FBLN7: variants seen among roughly 807,000 people sequenced by gnomAD.
FBLN7 encodes the protein fibulin 7, also known as fibulin-7.
Under a neutral mutation model 44.0 loss-of-function variants are expected in FBLN7, and 31 were observed. The observed-to-expected ratio is 0.70, with a 90% CI of 0.53 to 0.95. The LOEUF (loss-of-function observed/expected upper bound fraction) is 0.95, where lower values mean the gene tolerates loss of function less well. FBLN7 is among the 40% of genes least tolerant of loss of function. The pLI, the probability that FBLN7 is intolerant of heterozygous loss-of-function variation, is 0.00. For synonymous variants in FBLN7, 262 were observed against 253.4 expected (o/e 1.03, Z -0.32); for missense variants, 573 against 618.5 (o/e 0.93, Z 0.78).
At chr2:112,159,631 G>T in intron 1 of FBLN7, 45 bp from the exon 2 acceptor site, 1 of 1,462,336 alleles carries the variant, frequency 6.8e-7, no homozygotes, top group Non-Finnish European at 9.1e-7. Flanking sequence ...ATGTGGGACT[G>T]AGTCAGTCTC....
intron 2 of FBLN7, among the ~76,000 whole-genome samples, chr2:112,160,740 ACACACGCG>A (rs1558879941): frequency 4.2e-4 from 17 of 40,936 alleles, no homozygotes; most frequent in African/African-American, 2.2e-3. Context: ...ACGCACACGC[ACACACGCG>A]CACGCACACA....
chr2:112,163,035 G>A (rs534401298), intron 2 of FBLN7, among the ~76,000 whole-genome samples: 1 of 152,194 alleles, frequency 6.6e-6, no homozygotes, highest in Non-Finnish European at 1.5e-5. Context: ...TTACCACTGG[G>A]GGCCAACTTG....
intron 1 of FBLN7, among the ~76,000 whole-genome samples, chr2:112,145,335 T>C (rs1680852051): frequency 6.6e-6 from 1 of 152,186 alleles, no homozygotes; most frequent in Non-Finnish European, 1.5e-5. Flanking sequence ...GGGGTCTTTC[T>C]ATGTTGCCCA....
At chr2:112,204,228 C>A in the FBLN7 span, among the ~76,000 whole-genome samples, 2 of 149,132 alleles carry the variant, frequency 1.3e-5, no homozygotes, top group African/African-American at 2.5e-5. Flanking sequence ...AAGAAAGAAT[C>A]GGTGAATTTA....
At chr2:112,234,186 G>A in the FBLN7 span, 1 of 1,609,604 alleles carries the variant, frequency 6.2e-7, no homozygotes, top group African/African-American at 1.3e-5. Context: ...CTGTATGTTG[G>A]TTGATGAATG....
the FBLN7 span, among the ~76,000 whole-genome samples, chr2:112,226,448 G>A: frequency 6.6e-6 from 1 of 151,874 alleles, no homozygotes; most frequent in African/African-American, 2.4e-5. Context: ...AATTAGCCAG[G>A]TGAGGTGGCG....
chr2:112,200,083 A>G, the FBLN7 span, among the ~76,000 whole-genome samples: 1 of 152,214 alleles, frequency 6.6e-6, no homozygotes, highest in Non-Finnish European at 1.5e-5. Context: ...CTTTTGCTGC[A>G]GCAAATAGTA....
At chr2:112,222,435 C>A in the FBLN7 span, among the ~76,000 whole-genome samples, 1 of 151,936 alleles carries the variant, frequency 6.6e-6, no homozygotes, top group African/African-American at 2.4e-5. Flanking sequence ...GTTTCCAGGG[C>A]AAAAGGAGGC....
chr2:112,140,336 A>G (rs186221133), intron 1 of FBLN7, among the ~76,000 whole-genome samples: 7,239 of 146,456 alleles, frequency 0.049, 200 homozygotes, highest in African/African-American at 0.088. Flanking sequence ...CCAGGCCAGC[A>G]TCCCTCCTTC....
At chr2:112,173,426 T>A (rs1006094703) in intron 3 of FBLN7, among the ~76,000 whole-genome samples, 5 of 149,280 alleles carry the variant, frequency 3.3e-5, no homozygotes. Context: ...ACAGTTTAGA[T>A]AAAAATGAGA....
At chr2:112,226,274 A>C in the FBLN7 span, among the ~76,000 whole-genome samples, 2 of 151,836 alleles carry the variant, frequency 1.3e-5, no homozygotes, top group African/African-American at 4.8e-5. Flanking sequence ...ACAGAAATTG[A>C]ATCTGTTATG....
chr2:112,211,677 T>G, the FBLN7 span: 1 of 152,220 alleles, frequency 6.6e-6, no homozygotes, highest in Non-Finnish European at 1.5e-5. Flanking sequence ...AGTCTATCAA[T>G]TGTAAAATAT....
At chr2:112,148,431 A>T (rs1013465118) in intron 1 of FBLN7, among the ~76,000 whole-genome samples, 22 of 152,260 alleles carry the variant, frequency 1.4e-4, no homozygotes, top group Admixed American at 1.3e-3. Context: ...CCGCTATCTA[A>T]AATGAGGTAT....
At chr2:112,161,181 G>A (rs1006266770) in intron 2 of FBLN7, among the ~76,000 whole-genome samples, 24 of 152,120 alleles carry the variant, frequency 1.6e-4, no homozygotes, top group African/African-American at 5.3e-4. Flanking sequence ...GGGGGACAGG[G>A]GCCAGTCATC....
chr2:112,200,577 C>G, the FBLN7 span, among the ~76,000 whole-genome samples: 1 of 152,196 alleles, frequency 6.6e-6, no homozygotes, highest in Non-Finnish European at 1.5e-5. Flanking sequence ...CTCTGTCCCC[C>G]AGTCTGGAGT....
At position 112,187,659 on chromosome 2, in the gene FBLN7, T is replaced by C; in HGVS notation, c.*153T>C. ...TAGGGCAGCGTTGCACGGCGCCCCA[T>C]GGAATAGCACGGAAGAGCAGCCACA... On this transcript the variant is annotated 3_prime_UTR_variant, in exon 8 of 8. Transcript: ENST00000331203. This position sits in a 1 kb window ranked among gnomAD's most constrained non-coding sequence, Gnocchi z 5.1. 9.7e-7 allele frequency: 1 copy of C among 1,031,062 alleles called. No individual in the cohort carries two copies. The highest frequency in any genetic ancestry group is 1.4e-6 in the Non-Finnish European group (1 of 708,272). 63.9% of individuals were successfully genotyped at this position (1,031,062 alleles called of 1,614,324 possible).
intron 1 of FBLN7, among the ~76,000 whole-genome samples, chr2:112,150,036 G>A (rs3903096): frequency 0.44 from 67,279 of 151,592 alleles, 15,122 homozygotes; most frequent in Middle Eastern, 0.64. Flanking sequence ...GGGGATATTG[G>A]TGGTGACTGG....
At chr2:112,174,511 T>C (rs1682638695) in intron 3 of FBLN7, among the ~76,000 whole-genome samples, 1 of 152,216 alleles carries the variant, frequency 6.6e-6, no homozygotes, top group Non-Finnish European at 1.5e-5. Context: ...TTCTTCCTCT[T>C]GATAGACACA....
chr2:112,193,038 A>G (rs1683537604), downstream of FBLN7, among the ~76,000 whole-genome samples: 1 of 152,226 alleles, frequency 6.6e-6, no homozygotes, highest in Admixed American at 6.5e-5. Flanking sequence ...TATATAGTAA[A>G]TGTATGTGTA....
Sources: gnomAD v4.1 joint callset for allele counts (sites outside exome capture counted in the v4.1 genomes callset) on GRCh38, gnomAD v4.1.1 for gene constraint, Gnocchi (gnomAD v3.1) non-coding constraint, MANE v1.5 for transcripts, NCBI Gene and HGNC (gene_info 2026-07-23, HGNC 2026-07-21) for gene names.